HSD17B12: variants seen among roughly 807,000 people sequenced by gnomAD.
HSD17B12 encodes very-long-chain 3-oxoacyl-CoA reductase.
In HSD17B12, 32 loss-of-function variants were observed where a neutral mutation model predicts 39.3. The ratio of observed to expected loss-of-function variants is 0.81; its 90% confidence interval spans 0.61 to 1.09. The LOEUF (loss-of-function observed/expected upper bound fraction) is 1.09. HSD17B12 is among the 50% of genes least tolerant of loss of function. HSD17B12 has a pLI of 0.00. For missense variants in HSD17B12, 342 were observed against 382.9 expected (o/e 0.89, Z 0.89); for synonymous variants, 150 against 146.7 (o/e 1.02, Z -0.16).
intron 1 of HSD17B12, among the ~76,000 whole-genome samples, chr11:43,747,599 G>T (rs1006401546): frequency 6.6e-6 from 1 of 152,218 alleles, no homozygotes; most frequent in Non-Finnish European, 1.5e-5. Flanking sequence ...CAAGGAGAAA[G>T]ACACTCCTTT....
intron 1 of HSD17B12, among the ~76,000 whole-genome samples, chr11:43,710,275 C>G (rs980373800): frequency 1.3e-5 from 2 of 152,102 alleles, no homozygotes; most frequent in Admixed American, 6.5e-5. Flanking sequence ...CTTCTGCAAA[C>G]CTTTTTACAG....
the HSD17B12 span, among the ~76,000 whole-genome samples, chr11:43,591,129 A>T: frequency 7.9e-5 from 12 of 152,188 alleles, no homozygotes; most frequent in Non-Finnish European, 1.8e-4. Context: ...ATGCCTAATT[A>T]AAAAATGTTT....
chr11:43,775,228 G>T (rs1950688267), intron 3 of HSD17B12, among the ~76,000 whole-genome samples: 1 of 152,192 alleles, frequency 6.6e-6, no homozygotes, highest in African/African-American at 2.4e-5. Context: ...TGAAATCCTA[G>T]CCTGATGAGA....
At chr11:43,615,805 A>T in the HSD17B12 span, among the ~76,000 whole-genome samples, 4 of 152,348 alleles carry the variant, frequency 2.6e-5, no homozygotes, top group Admixed American at 6.5e-5. Context: ...TTTATTTTCA[A>T]TAGTTCATAC....
chr11:43,706,980 C>T (rs1414554794), intron 1 of HSD17B12, among the ~76,000 whole-genome samples: 3 of 151,566 alleles, frequency 2.0e-5, no homozygotes, highest in Non-Finnish European at 4.4e-5. Context: ...CATTTCTGCC[C>T]CTTATTTGGT....
intron 9 of HSD17B12, among the ~76,000 whole-genome samples, chr11:43,841,860 A>G (rs1048419400): frequency 6.6e-6 from 1 of 152,202 alleles, no homozygotes; most frequent in African/African-American, 2.4e-5. Flanking sequence ...ATGATCGATC[A>G]AAATAATAAT....
chr11:43,742,471 C>T (rs1590711367), intron 1 of HSD17B12, among the ~76,000 whole-genome samples: 1 of 152,112 alleles, frequency 6.6e-6, no homozygotes, highest in Non-Finnish European at 1.5e-5. Flanking sequence ...AACCCTTATT[C>T]CCACTGTCTT....
chr11:43,573,719 T>C, the HSD17B12 span, among the ~76,000 whole-genome samples: 1 of 152,350 alleles, frequency 6.6e-6, no homozygotes, highest in Admixed American at 6.5e-5. Flanking sequence ...CTGCTCTGTA[T>C]AGTTTCAATA....
chr11:43,787,849 A>C (rs892330019), intron 3 of HSD17B12, among the ~76,000 whole-genome samples: 2 of 152,160 alleles, frequency 1.3e-5, no homozygotes, highest in African/African-American at 4.8e-5. Flanking sequence ...AAAGAAAAGA[A>C]ATAAAATCAA....
the HSD17B12 span, among the ~76,000 whole-genome samples, chr11:43,633,999 G>T: frequency 1.4e-5 from 2 of 145,148 alleles, no homozygotes; most frequent in Non-Finnish European, 3.0e-5. Flanking sequence ...GCTTGAACCC[G>T]GGAGGCGGAG....
chr11:43,636,978 G>A, the HSD17B12 span, among the ~76,000 whole-genome samples: 8 of 152,222 alleles, frequency 5.3e-5, no homozygotes, highest in East Asian at 1.9e-4. Context: ...AATGTATGCC[G>A]TTCAAACTTG....
chr11:43,634,451 T>C, the HSD17B12 span, among the ~76,000 whole-genome samples: 4 of 151,720 alleles, frequency 2.6e-5, no homozygotes, highest in African/African-American at 9.7e-5. Flanking sequence ...GCATTTTTTT[T>C]CCTCTGAGCC....
intron 9 of HSD17B12, chr11:43,853,334 T>C (rs1413240585): frequency 7.0e-5 from 4 of 57,374 alleles, no homozygotes; most frequent in African/African-American, 1.4e-4. Flanking sequence ...TGAGACTCTG[T>C]CTCAAAAAAA....
At chr11:43,620,398 CAG>C in the HSD17B12 span, among the ~76,000 whole-genome samples, 2 of 152,152 alleles carry the variant, frequency 1.3e-5, no homozygotes, top group Admixed American at 1.3e-4. Flanking sequence ...AGTCTCACTT[CAG>C]AGTCCGATCT....
At position 43,804,450 on chromosome 11, in the gene HSD17B12, T is replaced by TA. The variant is rs546243815; in HGVS notation, c.391+6025dup. Among the ~76,000 whole-genome samples, 8 of 152,368 alleles carry TA rather than the reference T, an allele frequency of 5.3e-5. No homozygotes were observed. The South Asian group carries it at 1.7e-3, about 32-fold the overall frequency. ...TTTTAACAACAACAAAATGTGTAGA[T>TA]AATAGAGGTCAGTTGATTGCAAAGA... On this transcript the variant is annotated intron_variant, in intron 4 of 10. Transcript: ENST00000278353.
intron 1 of HSD17B12, among the ~76,000 whole-genome samples, chr11:43,712,727 GT>G (rs1950079636): frequency 6.6e-6 from 1 of 152,060 alleles, no homozygotes; most frequent in Admixed American, 6.6e-5. Context: ...CGTCCTTAAC[GT>G]TGGCAAAATT....
the HSD17B12 span, among the ~76,000 whole-genome samples, chr11:43,586,986 G>A: frequency 6.6e-6 from 1 of 152,218 alleles, no homozygotes; most frequent in Admixed American, 6.5e-5. Context: ...GAAGAAAAAT[G>A]AGATGGGGTG....
At chr11:43,613,930 G>A in the HSD17B12 span, among the ~76,000 whole-genome samples, 2 of 152,156 alleles carry the variant, frequency 1.3e-5, no homozygotes, top group African/African-American at 4.8e-5. Context: ...GCCTCCCAAA[G>A]TTCTGGGATT....
the HSD17B12 span, among the ~76,000 whole-genome samples, chr11:43,582,123 T>C: frequency 2.6e-5 from 4 of 152,228 alleles, 1 homozygote; most frequent in African/African-American, 4.8e-5. Flanking sequence ...ATTTGGGGCG[T>C]TTTGCAGCCT....
Sources: gnomAD v4.1 joint callset for allele counts (sites outside exome capture counted in the v4.1 genomes callset) on GRCh38, gnomAD v4.1.1 for gene constraint, MANE v1.5 for transcripts, NCBI Gene and HGNC (gene_info 2026-07-23, HGNC 2026-07-21) for gene names.